NFATC1: variants seen among roughly 807,000 people sequenced by gnomAD.
NFATC1 encodes nuclear factor of activated T cells 1.
Under a neutral mutation model 76.0 loss-of-function variants are expected in NFATC1, and 22 were observed. That is an observed-to-expected ratio of 0.29 (90% CI 0.21 to 0.41). NFATC1 has a LOEUF of 0.41. NFATC1 is among the 10% of genes least tolerant of loss of function. The pLI is 1.00. For missense variants in NFATC1, 1,357 were observed against 1,337.7 expected (o/e 1.01, Z -0.23); for synonymous variants, 704 against 613.1 (o/e 1.15, Z -2.19).
intron 3 of NFATC1, among the ~76,000 whole-genome samples, chr18:79,443,540 G>C (rs752301597): frequency 6.6e-6 from 1 of 152,158 alleles, no homozygotes. Context: ...TTTCCCAGTC[G>C]GCGCCCGTGC....
chr18:79,438,986 G>A (rs1474417978), intron 3 of NFATC1, among the ~76,000 whole-genome samples: 3 of 152,198 alleles, frequency 2.0e-5, no homozygotes, highest in Admixed American at 6.5e-5. Context: ...CTTCTTTTCC[G>A]GTTGTTAAAA....
chr18:79,453,768 C>T (rs2087572987), intron 6 of NFATC1, among the ~76,000 whole-genome samples: 2 of 152,208 alleles, frequency 1.3e-5, no homozygotes, highest in South Asian at 2.1e-4. Flanking sequence ...AGCCAGACCA[C>T]GTTGATAATT....
intron 9 of NFATC1, among the ~76,000 whole-genome samples, chr18:79,518,549 T>A (rs1453756830): frequency 1.3e-5 from 2 of 152,192 alleles, no homozygotes; most frequent in African/African-American, 4.8e-5. Context: ...GAGGGTGTCC[T>A]TGACAAGTGT....
chr18:79,486,236 TC>T lies in NFATC1; in HGVS notation c.2093-10del. On this transcript the variant is annotated splice_polypyrimidine_tract_variant and intron_variant, in intron 8 of 9. Coordinates refer to ENST00000427363, the MANE Select transcript of NFATC1 (RefSeq NM_001278669.2). The stretch of plus-strand genomic sequence containing the variant: ...ACTTGTGTTTATTTAATTTTTTTTT[TC>T]CTTCTCACAGTTCCAATTATAAAAA... 1.3e-6 allele frequency: 2 copies of T among 1,586,566 alleles called. No homozygotes were observed. The highest frequency in any genetic ancestry group is 1.4e-5 in the African/African-American group (1 of 73,782).
intron 7 of NFATC1, among the ~76,000 whole-genome samples, chr18:79,463,791 T>A (rs768073855): frequency 2.2e-4 from 33 of 152,320 alleles, no homozygotes; most frequent in Non-Finnish European, 4.3e-4. Flanking sequence ...CGTCGGGGTC[T>A]CCACAGGCTT....
intron 7 of NFATC1, among the ~76,000 whole-genome samples, chr18:79,464,692 A>ACACACATGTG (rs2088360526): frequency 9.0e-6 from 1 of 111,576 alleles, no homozygotes; most frequent in Non-Finnish European, 1.8e-5. Flanking sequence ...GTATATATAT[A>ACACACATGTG]TATTTATTTA....
At chr18:79,436,121 C>T (rs976653667) in intron 3 of NFATC1, among the ~76,000 whole-genome samples, 1 of 152,230 alleles carries the variant, frequency 6.6e-6, no homozygotes, top group African/African-American at 2.4e-5. Flanking sequence ...CTCTCAGTTG[C>T]CGTGGAAGCT....
At chr18:79,520,793 G>A (rs1468489122) in intron 9 of NFATC1, among the ~76,000 whole-genome samples, 1 of 69,500 alleles carries the variant, frequency 1.4e-5, no homozygotes, top group African/African-American at 6.5e-5. Context: ...GTGTGGGGGG[G>A]CATCCACTGA....
intron 9 of NFATC1, among the ~76,000 whole-genome samples, chr18:79,507,743 A>G (rs2090149382): frequency 1.3e-5 from 2 of 152,280 alleles, no homozygotes; most frequent in South Asian, 4.1e-4. Context: ...GTCAGTAAAG[A>G]AAAACCTTCT....
intron 8 of NFATC1, among the ~76,000 whole-genome samples, chr18:79,482,042 G>A (rs181872648): frequency 1.4e-5 from 2 of 140,780 alleles, no homozygotes; most frequent in African/African-American, 5.4e-5. Context: ...TCATTCCAGC[G>A]TGAGCTGTTT....
rs769284409 is a variant in NFATC1, at chr18:79,433,645, G to T, written c.1293G>T (p.Glu431Asp). ...CAGGCCCGTATGAGCTTCGGATTGA[G>T]GTGCAGCCCAAGTCCCACCACCGAG... is the stretch of plus-strand genomic sequence containing the variant. ...SHSGPYELRIEVQPKSHHRAH... is the reference protein window; with the variant it reads ...SHSGPYELRIDVQPKSHHRAH... Residue 431 changes from glutamate (E) to aspartate (D), a missense_variant, in exon 3 of 10, where the codon GAG becomes GAT. This residue lies in a region of NFATC1 where 691 missense variants were observed against 613.1 expected (regional missense o/e 1.13). Transcript: ENST00000427363. 2 of 1,613,182 alleles carry T rather than the reference G, an allele frequency of 1.2e-6. No homozygotes were observed. The highest frequency in any genetic ancestry group is 3.3e-5 in the Admixed American group (2 of 60,026).
intron 9 of NFATC1, among the ~76,000 whole-genome samples, chr18:79,523,081 A>G (rs1394808407): frequency 6.6e-6 from 1 of 152,176 alleles, no homozygotes; most frequent in African/African-American, 2.4e-5. Flanking sequence ...CTGGGTGACT[A>G]CAGTACCTGC....
At chr18:79,411,836 C>G (rs1237948457) in intron 2 of NFATC1, among the ~76,000 whole-genome samples, 1 of 152,254 alleles carries the variant, frequency 6.6e-6, no homozygotes, top group Non-Finnish European at 1.5e-5. Context: ...TGCTGGCGGT[C>G]AGGGCTTCCA....
chr18:79,467,704 C>A lies in NFATC1; in HGVS notation c.2092+122C>A, dbSNP rs1048261888. 11 of 1,427,640 alleles carry A rather than the reference C, an allele frequency of 7.7e-6. No homozygotes were observed. In the Middle Eastern group the frequency reaches 6.8e-4, roughly 88 times the overall value. 88.4% of individuals were successfully genotyped at this position (1,427,640 alleles called of 1,614,324 possible). ...TGTTGCACATTTAACTGTGTGATGT[C>A]CCGTTAGTGAGACCGAGCCATCGAT... On this transcript the variant is annotated intron_variant, in intron 8 of 9. Coordinates refer to ENST00000427363, the MANE Select transcript of NFATC1 (RefSeq NM_001278669.2).
chr18:79,483,995 C>G (rs1198943129), intron 8 of NFATC1, among the ~76,000 whole-genome samples: 1 of 150,854 alleles, frequency 6.6e-6, no homozygotes, highest in Admixed American at 6.6e-5. Flanking sequence ...TCCAGCGTGA[C>G]CTGGTCCTGG....
At chr18:79,444,742 TG>T (rs980835175) in intron 3 of NFATC1, among the ~76,000 whole-genome samples, 29 of 142,074 alleles carry the variant, frequency 2.0e-4, no homozygotes, top group African/African-American at 8.7e-4. Flanking sequence ...GGCACACACG[TG>T]CCCGACCCCA....
intron 1 of NFATC1, among the ~76,000 whole-genome samples, chr18:79,405,450 A>T (rs1226469485): frequency 6.6e-6 from 1 of 152,242 alleles, no homozygotes; most frequent in Non-Finnish European, 1.5e-5. Context: ...CCCTTCATGT[A>T]AATATGATCC....
chr18:79,437,067 C>A (rs969773957), intron 3 of NFATC1, among the ~76,000 whole-genome samples: 1 of 152,102 alleles, frequency 6.6e-6, no homozygotes, highest in Non-Finnish European at 1.5e-5. Context: ...GCCCTGGAGC[C>A]GTCTGCGAGG....
rs574025220 is a variant in NFATC1, at chr18:79,406,207, G to A, written c.128-4196G>A. ...ATTCTTCAGAATTACCTTTCTACCAGCAAATGGTAGTTCAGCTGTGGGATC... is the reference window on the plus strand; with the variant it reads ...ATTCTTCAGAATTACCTTTCTACCAACAAATGGTAGTTCAGCTGTGGGATC... On this transcript the variant is annotated intron_variant, in intron 1 of 9. Transcript: ENST00000427363. Among the ~76,000 whole-genome samples, 8 of 152,350 alleles carry A rather than the reference G, an allele frequency of 5.3e-5. No individual in the cohort carries two copies. The South Asian group carries it at 1.7e-3, about 32-fold the overall frequency.
Sources: allele counts gnomAD v4.1 joint callset (sites outside exome capture counted in the v4.1 genomes callset), GRCh38; gene constraint gnomAD v4.1.1; regional missense constraint gnomAD v4.1.1; transcripts MANE v1.5; gene names NCBI Gene and HGNC (gene_info 2026-07-23, HGNC 2026-07-21).